Variants in NOXRED1 observed in about 807,000 individuals in gnomAD.
NOXRED1 encodes the protein NADP-dependent oxidoreductase domain-containing protein 1.
In NOXRED1, 20 loss-of-function variants were observed where a neutral mutation model predicts 30.4. The observed-to-expected ratio is 0.66, with a 90% CI of 0.46 to 0.96. The LOEUF is 0.96. Ranked by LOEUF, NOXRED1 falls within the 40% of genes least tolerant of loss-of-function variation. The pLI is 0.00. For missense variants in NOXRED1, 374 were observed against 428.0 expected, an observed-to-expected ratio of 0.87 and a Z score of 1.11; for synonymous variants, 155 against 168.0, an observed-to-expected ratio of 0.92 and a Z score of 0.60.
chr14:77,397,430 C>G (rs563644531), intron 5 of NOXRED1, among the ~76,000 whole-genome samples: 1 of 152,326 alleles, frequency 6.6e-6, no homozygotes, highest in East Asian at 1.9e-4. Flanking sequence ...AAGAACTGTT[C>G]TATATCTTAA....
chr14:77,411,343 G>A (rs145250789), intron 2 of NOXRED1, among the ~76,000 whole-genome samples: 25 of 151,768 alleles, frequency 1.6e-4, no homozygotes, highest in East Asian at 3.9e-4. Flanking sequence ...GGTGGTGAGC[G>A]CATGTAATCC....
rs1894134118 is a variant in NOXRED1 at position 77,394,713 on chromosome 14, A to G, written c.998T>C (p.Leu333Pro). 6.2e-7 allele frequency: 1 copy of G among 1,613,230 alleles called. No homozygotes were observed. The highest frequency in any genetic ancestry group is 8.5e-7 in the Non-Finnish European group (1 of 1,179,194). ...AAATGAAGCACAGTATAGATGGGTA[A>G]GGTGGTCTTGGAGAACAGGACTACT... ...LSSSPVLQDH[L>P]THLYCASFGI... is the part of the protein sequence containing the mutation. Residue 333 changes from leucine to proline, a missense_variant, in exon 6 of 6, where the codon CTT (leucine) becomes CCT (proline). Coordinates refer to ENST00000380835, the MANE Select transcript of NOXRED1 (RefSeq NM_001113475.3).
In NOXRED1 at chr14:77,407,548, C is replaced by A; in HGVS notation, c.447G>T (p.Leu149=). ...TGTAAATTTCTACGCAGATATTAGGCAGCTGAGACGGCAAGCAGCAGAGGA... is the reference window on the plus strand; with the variant it reads ...TGTAAATTTCTACGCAGATATTAGGAAGCTGAGACGGCAAGCAGCAGAGGA... The part of the protein sequence containing the change: ...VIFLCCLPSQ[L]PNICVEIYTS... Residue 149 remains leucine (L), a synonymous_variant, in exon 3 of 6, where the codon CTG becomes CTT. Transcript: ENST00000380835. 1 of 1,613,938 alleles carries A rather than the reference C, an allele frequency of 6.2e-7. No individual in the cohort carries two copies. Among genetic ancestry groups the A allele is most frequent in the Middle Eastern group, 1.6e-4 (1 of 6,062 alleles).
chr14:77,407,563 G>A lies in NOXRED1; in HGVS notation c.432C>T (p.Cys144=). The change falls in exon 3 of 6, where the codon TGC becomes TGT. Residue 144 remains cysteine, a synonymous_variant. Coordinates refer to ENST00000380835, the MANE Select transcript of NOXRED1 (RefSeq NM_001113475.3). ...VSWADVIFLC[C]LPSQLPNICV... is the part of the protein sequence containing the mutation. ...AGATATTAGGCAGCTGAGACGGCAA[G>A]CAGCAGAGGAATATCACATCGGCCC... 3 of 1,613,864 alleles carry A rather than the reference G, an allele frequency of 1.9e-6. No homozygotes were observed. The highest frequency in any genetic ancestry group is 2.5e-6 in the Non-Finnish European group (3 of 1,179,704).
At chr14:77,406,952 C>A in intron 3 of NOXRED1, 77 bp from the exon 4 acceptor site, 1 of 1,298,618 alleles carries the variant, frequency 7.7e-7, no homozygotes, top group Non-Finnish European at 1.1e-6. Flanking sequence ...TGTTTACATC[C>A]AACCCCATCA....
chr14:77,424,258 G>C (rs548115100), upstream of NOXRED1, among the ~76,000 whole-genome samples: 2 of 152,272 alleles, frequency 1.3e-5, no homozygotes, highest in Admixed American at 1.3e-4. Flanking sequence ...TGACCAGCCT[G>C]ACTAACACGG....
At chr14:77,418,884 C>G (rs10146635) in intron 1 of NOXRED1, among the ~76,000 whole-genome samples, 2 of 151,966 alleles carry the variant, frequency 1.3e-5, no homozygotes, top group Non-Finnish European at 2.9e-5. Context: ...TGCCACCCAT[C>G]ACAGTATTAT....
chr14:77,394,477 A>G lies in NOXRED1; in HGVS notation c.*154T>C, dbSNP rs932863225. On this transcript the variant is annotated 3_prime_UTR_variant, in exon 6 of 6. Coordinates refer to ENST00000380835, the MANE Select transcript of NOXRED1 (RefSeq NM_001113475.3). ...GACCACTTGTTTTATTCTACATTTT[A>G]AAGAGTCATCAGTACAGTTTTATAA... is the stretch of plus-strand genomic sequence containing the variant. The G allele has an allele frequency of 9.4e-5, 46 of 489,696 alleles. No homozygotes were observed. The East Asian group carries it at 1.4e-3, about 15-fold the overall frequency. The allele number at this position is 489,696 out of a possible 1,614,324, so 30.3% of individuals were successfully genotyped here.
intron 5 of NOXRED1, among the ~76,000 whole-genome samples, chr14:77,395,692 A>G (rs778069434): frequency 1.1e-4 from 16 of 151,930 alleles, no homozygotes; most frequent in Non-Finnish European, 2.2e-4. Flanking sequence ...AGTCCCAGCT[A>G]CTCAGGAGGC....
At chr14:77,405,320 G>A (rs1178933758) in intron 5 of NOXRED1, among the ~76,000 whole-genome samples, 8 of 152,214 alleles carry the variant, frequency 5.3e-5, no homozygotes, top group African/African-American at 9.7e-5. Context: ...ACTTAAAGCC[G>A]GGAGGCAGAG....
At chr14:77,411,344 C>T (rs1159068076) in intron 2 of NOXRED1, among the ~76,000 whole-genome samples, 2 of 151,488 alleles carry the variant, frequency 1.3e-5, no homozygotes, top group East Asian at 3.9e-4. Context: ...GTGGTGAGCG[C>T]ATGTAATCCC....
At chr14:77,406,626 CACACACACAG>C (rs766810169) in intron 4 of NOXRED1, 88 bp downstream of exon 4, 3,772 of 381,360 alleles carry the variant, frequency 9.9e-3, no homozygotes, top group Middle Eastern at 0.025. Flanking sequence ...CACACACACA[CACACACACAG>C]AGAGAGAGAG....
intron 5 of NOXRED1, among the ~76,000 whole-genome samples, chr14:77,402,733 T>C (rs1894360491): frequency 6.7e-6 from 1 of 149,706 alleles, no homozygotes; most frequent in Non-Finnish European, 1.5e-5. Context: ...TCAATAAGCA[T>C]ATGAAAAGAT....
intron 5 of NOXRED1, among the ~76,000 whole-genome samples, chr14:77,400,232 T>C (rs752646502): frequency 6.6e-6 from 1 of 152,062 alleles, no homozygotes; most frequent in Non-Finnish European, 1.5e-5. Context: ...AGGAGGAAAA[T>C]GATATAGGTC....
chr14:77,424,253 A>G (rs1895071714), upstream of NOXRED1, among the ~76,000 whole-genome samples: 1 of 152,180 alleles, frequency 6.6e-6, no homozygotes, highest in Non-Finnish European at 1.5e-5. Context: ...GAGTTTGACC[A>G]GCCTGACTAA....
intron 2 of NOXRED1, among the ~76,000 whole-genome samples, chr14:77,412,020 G>A (rs939120906): frequency 4.0e-5 from 6 of 150,732 alleles, no homozygotes; most frequent in South Asian, 2.1e-4. Context: ...GCTTGAACCC[G>A]GGAGGCAGAG....
intron 2 of NOXRED1, among the ~76,000 whole-genome samples, chr14:77,412,061 G>A (rs999396209): frequency 5.4e-5 from 7 of 128,664 alleles, no homozygotes; most frequent in South Asian, 2.4e-4. Context: ...TGCTCTCCAC[G>A]ATCTGCACTC....
chr14:77,422,886 C>G lies in NOXRED1; in HGVS notation c.4G>C (p.Asp2His), dbSNP rs769995887. 1 of 1,610,190 alleles carries G rather than the reference C, an allele frequency of 6.2e-7. No homozygotes were observed. Among genetic ancestry groups the G allele is most frequent in the South Asian group, 1.1e-5 (1 of 90,628 alleles). ...AGGGACTCAAGGTCCTGGAGCATGT[C>G]CATTTCCAAGCCACTATTTCCTGCA... M[D>H]MLQDLESLQF... The change falls in exon 1 of 6, where the codon GAC (aspartate) becomes CAC (histidine). Residue 2 changes from aspartate (D) to histidine (H), a missense_variant. By Grantham distance (81) the Asp-to-His change is moderately conservative. Transcript: ENST00000380835.
At chr14:77,424,503 C>T (rs1895075642), upstream of NOXRED1, among the ~76,000 whole-genome samples, 1 of 152,122 alleles carries the variant, frequency 6.6e-6, no homozygotes, top group Admixed American at 6.6e-5. Flanking sequence ...AAAGCAAAGT[C>T]TCTGCACTTG....
Sources: allele counts gnomAD v4.1 joint callset (sites outside exome capture counted in the v4.1 genomes callset), GRCh38; gene constraint gnomAD v4.1.1; transcripts MANE v1.5; gene names NCBI Gene and HGNC (gene_info 2026-07-23, HGNC 2026-07-21).